The following FHIT variants were observed in gnomAD, a reference collection of about 807,000 sequenced individuals.
FHIT encodes fragile histidine triad diadenosine triphosphatase.
A neutral mutation model predicts 17.9 loss-of-function variants in FHIT; 19 were observed. The observed-to-expected ratio is 1.06, with a 90% CI of 0.74 to 1.56. The LOEUF is 1.56. Among genes scored for constraint, FHIT ranks in the 40% most tolerant of loss-of-function variants. FHIT has a pLI of 0.00. For missense variants in FHIT, 248 were observed against 189.2 expected (o/e 1.31, Z -1.82); for synonymous variants, 81 against 69.7 (o/e 1.16, Z -0.81).
chr3:60,184,705 T>A (rs931757633), intron 5 of FHIT, among the ~76,000 whole-genome samples: 1 of 152,176 alleles, frequency 6.6e-6, no homozygotes, highest in Non-Finnish European at 1.5e-5. Context: ...GTGGCCGACA[T>A]TTAAGATGTG....
chr3:61,226,201 G>A lies in FHIT; in HGVS notation c.-213+25100C>T, dbSNP rs566120194. 2.0e-5 allele frequency among the ~76,000 whole-genome samples: 3 copies of A among 152,284 alleles called. No homozygotes were observed. The South Asian group carries it at 6.2e-4, about 32-fold the overall frequency. ...GTGGCATCTCATCAGGCGCTGAGGG[G>A]TGGTAATGAGAAGCAAGGCATTTTC... On this transcript the variant is annotated intron_variant, in intron 1 of 9. Transcript: ENST00000492590.
intron 3 of FHIT, among the ~76,000 whole-genome samples, chr3:60,850,147 A>G (rs965154603): frequency 6.6e-6 from 1 of 151,988 alleles, no homozygotes; most frequent in Non-Finnish European, 1.5e-5. Flanking sequence ...AGTCCCATTT[A>G]AGACCTCTGC....
chr3:60,431,440 G>A (rs534595608), intron 5 of FHIT, among the ~76,000 whole-genome samples: 2 of 152,194 alleles, frequency 1.3e-5, no homozygotes, highest in Middle Eastern at 6.8e-3. Context: ...GCTTAGTGTA[G>A]CTGTCGCTGG....
intron 5 of FHIT, among the ~76,000 whole-genome samples, chr3:60,291,181 G>A (rs1707967265): frequency 6.6e-6 from 1 of 152,052 alleles, no homozygotes; most frequent in African/African-American, 2.4e-5. Context: ...CTGGGGAGAG[G>A]GGTTCTGGAA....
intron 3 of FHIT, among the ~76,000 whole-genome samples, chr3:60,832,097 T>C (rs998623195): frequency 3.9e-5 from 6 of 152,146 alleles, no homozygotes; most frequent in Admixed American, 1.3e-4. Flanking sequence ...GCAGCATTTA[T>C]ATAATGCTCA....
At chr3:61,247,559 C>T (rs2040517572) in intron 1 of FHIT, among the ~76,000 whole-genome samples, 1 of 152,192 alleles carries the variant, frequency 6.6e-6, no homozygotes, top group Admixed American at 6.5e-5. Context: ...GAGCCAAAAG[C>T]TTCACTGTCT....
intron 8 of FHIT, among the ~76,000 whole-genome samples, chr3:59,866,716 A>G (rs1436465939): frequency 1.3e-5 from 2 of 152,164 alleles, no homozygotes; most frequent in Non-Finnish European, 2.9e-5. Flanking sequence ...AACACGTGGT[A>G]TGTGGGGAGG....
intron 8 of FHIT, among the ~76,000 whole-genome samples, chr3:59,830,551 G>A (rs1346516706): frequency 6.6e-6 from 1 of 152,180 alleles, no homozygotes; most frequent in Non-Finnish European, 1.5e-5. Context: ...AAATCTTTGG[G>A]ATTTTGCAGT....
chr3:60,080,093 T>C (rs984671048), intron 5 of FHIT, among the ~76,000 whole-genome samples: 3 of 152,176 alleles, frequency 2.0e-5, no homozygotes, highest in African/African-American at 7.2e-5. Context: ...TTCCGTGTAA[T>C]GTCCCATTAC....
At chr3:60,802,221 T>C (rs2106668215) in intron 4 of FHIT, among the ~76,000 whole-genome samples, 1 of 152,358 alleles carries the variant, frequency 6.6e-6, no homozygotes, top group Non-Finnish European at 1.5e-5. Context: ...TAATGATTTA[T>C]GCTTTCATGG....
chr3:60,666,256 C>T lies in FHIT; in HGVS notation c.-17-129277G>A, dbSNP rs1344841494. 3.3e-5 allele frequency among the ~76,000 whole-genome samples: 5 copies of T among 152,124 alleles called. 1 individual carries two copies. Among genetic ancestry groups the T allele is most frequent in the Non-Finnish European group, 7.4e-5 (5 of 67,996 alleles). ...GTTTCCTTTCTGTTTAAAGAACTTT[C>T]TTTAGCCAATCTTTAAGAGTAGGTC... On this transcript the variant is annotated intron_variant, in intron 4 of 9. Transcript: ENST00000492590.
chr3:60,072,819 T>C (rs1314549397), intron 5 of FHIT, among the ~76,000 whole-genome samples: 1 of 152,224 alleles, frequency 6.6e-6, no homozygotes, highest in African/African-American at 2.4e-5. Context: ...GATACTTTCT[T>C]AATTATTCAT....
At chr3:60,153,073 C>T (rs1301528293) in intron 5 of FHIT, among the ~76,000 whole-genome samples, 2 of 152,156 alleles carry the variant, frequency 1.3e-5, no homozygotes, top group South Asian at 2.1e-4. Context: ...TTTTCCTCCT[C>T]AGCCAACACA....
intron 8 of FHIT, among the ~76,000 whole-genome samples, chr3:59,778,578 A>G (rs1702434682): frequency 6.6e-6 from 1 of 152,184 alleles, no homozygotes; most frequent in Admixed American, 6.5e-5. Context: ...GTAGTGAAAA[A>G]GGAGCCACAG....
At chr3:60,908,714 GA>G (rs5849399) in intron 3 of FHIT, among the ~76,000 whole-genome samples, 100,843 of 117,290 alleles carry the variant, frequency 0.86, 43,149 homozygotes, top group East Asian at 0.93. Context: ...AGTCTCTTAT[GA>G]AAAAAAAAAA....
chr3:60,531,577 C>T (rs1036253751), intron 5 of FHIT, among the ~76,000 whole-genome samples: 1 of 152,076 alleles, frequency 6.6e-6, no homozygotes, highest in Admixed American at 6.5e-5. Flanking sequence ...CGCGCCCGGC[C>T]GAAAAGAAAC....
At chr3:60,357,524 C>G (rs929797139) in intron 5 of FHIT, among the ~76,000 whole-genome samples, 1 of 152,122 alleles carries the variant, frequency 6.6e-6, no homozygotes, top group Non-Finnish European at 1.5e-5. Context: ...GAATTACAGG[C>G]ATGAGCCACC....
chr3:60,303,477 C>G (rs1220270446), intron 5 of FHIT, among the ~76,000 whole-genome samples: 1 of 152,170 alleles, frequency 6.6e-6, no homozygotes, highest in African/African-American at 2.4e-5. Context: ...AAGCAGCATT[C>G]ACTAATGAAT....
chr3:60,955,633 T>TACAC (rs1553778443), intron 3 of FHIT, among the ~76,000 whole-genome samples: 822 of 38,704 alleles, frequency 0.021, 11 homozygotes, highest in Non-Finnish European at 0.03. Flanking sequence ...TATATATATA[T>TACAC]ACACACACAC....
Sources: allele counts gnomAD v4.1 joint callset (sites outside exome capture counted in the v4.1 genomes callset), GRCh38; gene constraint gnomAD v4.1.1; transcripts MANE v1.5; gene names NCBI Gene and HGNC (gene_info 2026-07-23, HGNC 2026-07-21).